ATP2B2: variants seen among roughly 807,000 people sequenced by gnomAD.
The protein encoded by ATP2B2 is ATPase plasma membrane Ca2+ transporting 2.
Under a neutral mutation model 120.0 loss-of-function variants are expected in ATP2B2, and 15 were observed. The ratio of observed to expected loss-of-function variants is 0.12; its 90% CI spans 0.08 to 0.19. ATP2B2 has a LOEUF of 0.19. ATP2B2 is among the 10% of genes least tolerant of loss of function. The pLI is 1.00. For missense variants in ATP2B2, 1,045 were observed against 1,719.8 expected (o/e 0.61, Z 6.94); for synonymous variants, 694 against 700.3 (o/e 0.99, Z 0.14).
chr3:10,573,086 CAATGAT>C (rs1473467753), intron 2 of ATP2B2, among the ~76,000 whole-genome samples: 2 of 151,712 alleles, frequency 1.3e-5, no homozygotes, highest in Non-Finnish European at 2.9e-5. Context: ...TCCTTTGACA[CAATGAT>C]AATGAGATAA....
chr3:10,698,079 G>A (rs758772121), intron 1 of ATP2B2, among the ~76,000 whole-genome samples: 1 of 152,210 alleles, frequency 6.6e-6, no homozygotes, highest in Non-Finnish European at 1.5e-5. Context: ...TTCTGCCTGT[G>A]CTCTCAACTG....
intron 2 of ATP2B2, among the ~76,000 whole-genome samples, chr3:10,448,324 G>C (rs1236064217): frequency 6.6e-6 from 1 of 152,216 alleles, no homozygotes; most frequent in Non-Finnish European, 1.5e-5. Flanking sequence ...CATTTTCCAG[G>C]AGAAGAAAAC....
rs368521889 is a variant in ATP2B2 at position 10,327,794 on chromosome 3, G to A, written c.*1020C>T. The stretch of plus-strand genomic sequence containing the variant: ...CGGAGCATGTTGTTAAACCCCTCAG[G>A]ATGGCAACTCGGTAGCATTTGGCTT... On this transcript the variant is annotated 3_prime_UTR_variant, in exon 23 of 23. Transcript: ENST00000360273. The A allele has an allele frequency of 3.9e-5, 6 of 152,780 alleles. No individual in the cohort carries two copies. Among genetic ancestry groups the A allele is most frequent in the African/African-American group, 1.4e-4 (6 of 41,576 alleles). 9.5% of individuals were successfully genotyped at this position (152,780 alleles called of 1,614,324 possible). A position where few individuals can be genotyped will look rare whatever the true frequency, so the allele number is the denominator to read the frequency against.
chr3:10,639,093 GC>G (rs775807950), intron 1 of ATP2B2, among the ~76,000 whole-genome samples: 4 of 152,114 alleles, frequency 2.6e-5, no homozygotes, highest in Admixed American at 6.6e-5. Flanking sequence ...GCAAAGTTGG[GC>G]AAATATTCGT....
intron 2 of ATP2B2, among the ~76,000 whole-genome samples, chr3:10,420,482 C>T (rs1028603610): frequency 1.3e-5 from 2 of 152,194 alleles, no homozygotes; most frequent in African/African-American, 4.8e-5. Context: ...CTGCCTCGGC[C>T]CCCCGAGTAG....
At chr3:10,341,748 G>GCTCTC (rs987929118) in intron 19 of ATP2B2, among the ~76,000 whole-genome samples, 4 of 152,116 alleles carry the variant, frequency 2.6e-5, no homozygotes, top group Non-Finnish European at 5.9e-5. Context: ...CAGGACCCCC[G>GCTCTC]CTCTCCTCTC....
At chr3:10,490,661 AGT>A (rs147721571) in intron 1 of ATP2B2, among the ~76,000 whole-genome samples, 6,025 of 152,156 alleles carry the variant, frequency 0.04, 387 homozygotes, top group African/African-American at 0.14. Flanking sequence ...AGCATCCCAA[AGT>A]GCTGGGATTA....
chr3:10,432,902 C>T (rs1166114002), intron 2 of ATP2B2, among the ~76,000 whole-genome samples: 2 of 152,162 alleles, frequency 1.3e-5, no homozygotes, highest in African/African-American at 2.4e-5. Flanking sequence ...GTCTCTGTGG[C>T]CCCCAAGTTG....
intron 2 of ATP2B2, among the ~76,000 whole-genome samples, chr3:10,563,334 C>T (rs978807701): frequency 1.3e-5 from 2 of 152,270 alleles, no homozygotes; most frequent in South Asian, 4.2e-4. Context: ...TTCACCTGAC[C>T]CTAGGAGCTA....
intron 1 of ATP2B2, among the ~76,000 whole-genome samples, chr3:10,677,612 G>A (rs2071277346): frequency 6.6e-6 from 1 of 152,108 alleles, no homozygotes; most frequent in Non-Finnish European, 1.5e-5. Flanking sequence ...GGGGGATATT[G>A]GCAGTGGGGA....
intron 1 of ATP2B2, among the ~76,000 whole-genome samples, chr3:10,653,585 C>A (rs139603814): frequency 6.6e-6 from 1 of 152,176 alleles, no homozygotes; most frequent in Non-Finnish European, 1.5e-5. Context: ...TAAATATGTG[C>A]ACCTTAGTCA....
chr3:10,352,926 A>C (rs1164061174), intron 14 of ATP2B2, among the ~76,000 whole-genome samples: 1 of 152,078 alleles, frequency 6.6e-6, no homozygotes, highest in Non-Finnish European at 1.5e-5. Flanking sequence ...TTGGAGTTGG[A>C]AAGGGTTTTG....
At chr3:10,552,402 C>T (rs1485027129) in intron 2 of ATP2B2, among the ~76,000 whole-genome samples, 7 of 152,256 alleles carry the variant, frequency 4.6e-5, no homozygotes, top group African/African-American at 1.7e-4. Context: ...TCCTGCCTTC[C>T]GCCCAAAGTG....
At chr3:10,380,240 A>G (rs972151326) in intron 8 of ATP2B2, among the ~76,000 whole-genome samples, 1 of 152,180 alleles carries the variant, frequency 6.6e-6, no homozygotes, top group African/African-American at 2.4e-5. Flanking sequence ...AATGTGGGCA[A>G]TGGAGGCCTC....
At chr3:10,519,266 C>T (rs914730465) in intron 3 of ATP2B2, among the ~76,000 whole-genome samples, 5 of 152,198 alleles carry the variant, frequency 3.3e-5, no homozygotes, top group Non-Finnish European at 7.3e-5. Flanking sequence ...CTGTTTGTTT[C>T]CTGCCTTTGG....
intron 5 of ATP2B2, among the ~76,000 whole-genome samples, chr3:10,390,954 G>A (rs369912434): frequency 2.0e-5 from 3 of 152,158 alleles, no homozygotes; most frequent in South Asian, 4.1e-4. Flanking sequence ...GCACCAGCTC[G>A]GCTTGTTAGG....
chr3:10,563,911 T>A (rs2067955320), intron 2 of ATP2B2, among the ~76,000 whole-genome samples: 1 of 152,228 alleles, frequency 6.6e-6, no homozygotes, highest in Admixed American at 6.5e-5. Flanking sequence ...GAACACACAG[T>A]GGAGCCAGGT....
chr3:10,551,408 C>T (rs777400527), intron 2 of ATP2B2, among the ~76,000 whole-genome samples: 12 of 152,208 alleles, frequency 7.9e-5, no homozygotes, highest in East Asian at 1.9e-4. Flanking sequence ...CCAAGCTCAA[C>T]GTCTCAGATG....
intron 1 of ATP2B2, among the ~76,000 whole-genome samples, chr3:10,620,463 T>C (rs1440994930): frequency 6.6e-6 from 1 of 152,036 alleles, no homozygotes; most frequent in East Asian, 1.9e-4. Flanking sequence ...ATCCCTGTCA[T>C]TTGAGGAGGG....
Sources: gnomAD v4.1 joint callset for allele counts (sites outside exome capture counted in the v4.1 genomes callset) on GRCh38, gnomAD v4.1.1 for gene constraint, MANE v1.5 for transcripts, NCBI Gene and HGNC (gene_info 2026-07-23, HGNC 2026-07-21) for gene names.